OPCML: variants seen among roughly 807,000 people sequenced by gnomAD.
The protein encoded by OPCML is opioid binding protein/cell adhesion molecule like, also known as opioid-binding protein/cell adhesion molecule.
Under a neutral mutation model 37.8 loss-of-function variants are expected in OPCML, and 13 were observed. That is an observed-to-expected ratio of 0.34 (90% confidence interval 0.22 to 0.55). OPCML has a LOEUF of 0.55. Among genes scored for constraint, OPCML ranks in the 20% least tolerant of loss-of-function variants. The pLI is 0.91. For synonymous variants in OPCML, 176 were observed against 168.8 expected (o/e 1.04, Z -0.33); for missense variants, 341 against 435.6 (o/e 0.78, Z 1.93).
In OPCML at chr11:133,260,080, A is replaced by G. The variant is rs192721376; in HGVS notation, c.61+272184T>C. On this transcript the variant is annotated intron_variant, in intron 1 of 7. Coordinates refer to ENST00000524381, the MANE Select transcript of OPCML (RefSeq NM_001012393.5). ...TACGATTTTATGTAATAGGTGGATC[A>G]GCAATGACCCCCAAAATATAGTAGT... 2.3e-3 allele frequency among the ~76,000 whole-genome samples: 352 copies of G among 152,170 alleles called. 1 individual carries two copies. The highest frequency in any genetic ancestry group is 8.1e-3 in the African/African-American group (338 of 41,522).
chr11:132,525,211 A>G (rs2096304916), intron 4 of OPCML, among the ~76,000 whole-genome samples: 2 of 152,182 alleles, frequency 1.3e-5, no homozygotes, highest in South Asian at 4.1e-4. Flanking sequence ...TTTTTCTCCA[A>G]TGTGATAATG....
At chr11:132,526,986 T>C (rs939134761) in intron 4 of OPCML, among the ~76,000 whole-genome samples, 5 of 152,180 alleles carry the variant, frequency 3.3e-5, no homozygotes, top group African/African-American at 1.2e-4. Flanking sequence ...TCATACAGCA[T>C]GTATTTTTTA....
chr11:132,855,093 A>G (rs369138550), intron 2 of OPCML, among the ~76,000 whole-genome samples: 3 of 152,222 alleles, frequency 2.0e-5, no homozygotes, highest in Middle Eastern at 3.2e-3. Context: ...ATGGAGGCAT[A>G]ATTTGTATAA....
At chr11:133,125,706 AGT>A (rs60649325) in intron 1 of OPCML, among the ~76,000 whole-genome samples, 2,537 of 31,430 alleles carry the variant, frequency 0.081, 151 homozygotes, top group African/African-American at 0.19. Context: ...GTATATATAT[AGT>A]GTATATATAT....
intron 2 of OPCML, among the ~76,000 whole-genome samples, chr11:132,790,056 A>C (rs926935072): frequency 1.3e-5 from 2 of 152,252 alleles, no homozygotes; most frequent in African/African-American, 4.8e-5. Flanking sequence ...AACTAAAAAT[A>C]GAACTACCAT....
At chr11:132,912,846 T>A (rs1944471747) in intron 2 of OPCML, among the ~76,000 whole-genome samples, 1 of 152,246 alleles carries the variant, frequency 6.6e-6, no homozygotes, top group Admixed American at 6.5e-5. Flanking sequence ...TCCCGTAGGA[T>A]AAAATCCATG....
chr11:133,217,406 C>T (rs149795096), intron 1 of OPCML, among the ~76,000 whole-genome samples: 24 of 152,336 alleles, frequency 1.6e-4, no homozygotes, highest in African/African-American at 4.6e-4. Context: ...TGAAGCTCAC[C>T]TTCTGGTCTT....
chr11:133,073,919 C>T (rs1948583523), intron 1 of OPCML, among the ~76,000 whole-genome samples: 1 of 152,102 alleles, frequency 6.6e-6, no homozygotes, highest in African/African-American at 2.4e-5. Context: ...GAATACTGGC[C>T]CAAGGTCACA....
At chr11:132,829,248 A>C (rs141681749) in intron 2 of OPCML, among the ~76,000 whole-genome samples, 1 of 152,314 alleles carries the variant, frequency 6.6e-6, no homozygotes, top group Non-Finnish European at 1.5e-5. Flanking sequence ...ACTCAAACGG[A>C]AACTGGATTT....
chr11:132,535,260 A>G (rs1248505193), intron 3 of OPCML, among the ~76,000 whole-genome samples: 4 of 152,076 alleles, frequency 2.6e-5, no homozygotes, highest in African/African-American at 9.7e-5. Flanking sequence ...TCTTAAACTG[A>G]GCTATTGGGC....
At chr11:132,709,906 C>A (rs1395798372) in intron 2 of OPCML, among the ~76,000 whole-genome samples, 1 of 152,194 alleles carries the variant, frequency 6.6e-6, no homozygotes, top group African/African-American at 2.4e-5. Context: ...GTGCCTCTTG[C>A]CTCTAGCACT....
chr11:133,050,519 C>A (rs1948110096), intron 1 of OPCML, among the ~76,000 whole-genome samples: 1 of 152,022 alleles, frequency 6.6e-6, no homozygotes, highest in Non-Finnish European at 1.5e-5. Flanking sequence ...ATGAAATGAG[C>A]CAATTTATAA....
chr11:132,908,108 G>A (rs1203918304), intron 2 of OPCML, among the ~76,000 whole-genome samples: 1 of 152,144 alleles, frequency 6.6e-6, no homozygotes, highest in African/African-American at 2.4e-5. Context: ...ATACCTCTAG[G>A]AGACAACAAA....
At position 133,293,631 on chromosome 11, in the gene OPCML, C is replaced by A. The variant is rs113514230; in HGVS notation, c.61+238633G>T. Among the ~76,000 whole-genome samples, 116 of 152,256 alleles carry A rather than the reference C, an allele frequency of 7.6e-4. 1 individual carries two copies. Among genetic ancestry groups the A allele is most frequent in the African/African-American group, 2.7e-3 (114 of 41,560 alleles). On this transcript the variant is annotated intron_variant, in intron 1 of 7. Coordinates refer to ENST00000524381, the MANE Select transcript of OPCML (RefSeq NM_001012393.5). ...ACGGATCTGAGTTCTGGACTCAGCCCACACATGGTCACCTTCAGCATCTCA... is the reference window on the plus strand; with the variant it reads ...ACGGATCTGAGTTCTGGACTCAGCCAACACATGGTCACCTTCAGCATCTCA...
intron 3 of OPCML, among the ~76,000 whole-genome samples, chr11:132,551,945 G>C (rs1299509991): frequency 2.0e-5 from 3 of 152,194 alleles, no homozygotes; most frequent in Non-Finnish European, 2.9e-5. Flanking sequence ...GGCAGTTACA[G>C]AGTGGCAACA....
intron 1 of OPCML, among the ~76,000 whole-genome samples, chr11:133,010,333 A>G (rs1237739887): frequency 6.6e-6 from 1 of 152,232 alleles, no homozygotes; most frequent in East Asian, 1.9e-4. Flanking sequence ...TCATTATTAG[A>G]TAAATGGATA....
At chr11:133,188,071 G>A (rs575803) in intron 1 of OPCML, among the ~76,000 whole-genome samples, 71,147 of 152,024 alleles carry the variant, frequency 0.47, 17,430 homozygotes, top group African/African-American at 0.6. Context: ...ACCTAGCTTC[G>A]GACCTCTAAA....
Position 132,942,977 on chromosome 11 carries a change from G to A in OPCML, c.95C>T (p.Pro32Leu), listed in dbSNP as rs770753405. 3.7e-6 allele frequency: 6 copies of A among 1,614,110 alleles called. No individual in the cohort carries two copies. The South Asian group carries it at 5.5e-5, about 15-fold the overall frequency. Reference sequence around the variant, plus strand: ...GACCGTCACGTTGTCCATAGCTTTGGGGAAGGTGGCATCTCCGCTGCGCAC... The same window carrying A: ...GACCGTCACGTTGTCCATAGCTTTGAGGAAGGTGGCATCTCCGCTGCGCAC... ...VPVRSGDATF[P>L]KAMDNVTVRQ... is the part of the protein sequence containing the mutation. Residue 32 changes from proline (P) to leucine (L), a missense_variant, in exon 2 of 8, where the codon CCC becomes CTC. Pro to Leu is a moderately conservative substitution (Grantham distance 98). Coordinates refer to ENST00000524381, the MANE Select transcript of OPCML (RefSeq NM_001012393.5).
intron 3 of OPCML, among the ~76,000 whole-genome samples, chr11:132,530,091 T>C (rs984928220): frequency 1.3e-5 from 2 of 152,222 alleles, no homozygotes; most frequent in Non-Finnish European, 2.9e-5. Context: ...GGTGAAATAA[T>C]GGCTTAGCAG....
Sources: gnomAD v4.1 joint callset for allele counts (sites outside exome capture counted in the v4.1 genomes callset) on GRCh38, gnomAD v4.1.1 for gene constraint, MANE v1.5 for transcripts, NCBI Gene and HGNC (gene_info 2026-07-23, HGNC 2026-07-21) for gene names.